Variants in MED12L observed in about 807,000 individuals in gnomAD.
MED12L encodes the protein mediator complex subunit 12L.
In MED12L, 60 loss-of-function variants were observed where a neutral mutation model predicts 281.3. The ratio of observed to expected loss-of-function variants is 0.21; its 90% CI spans 0.17 to 0.26. The LOEUF (loss-of-function observed/expected upper bound fraction) is 0.26. Ranked by LOEUF, MED12L falls within the 10% of genes least tolerant of loss-of-function variation. The probability of loss-of-function intolerance (pLI) is 1.00; values close to 1 mark genes in which losing one functional copy is unlikely to be tolerated. For synonymous variants in MED12L, 974 were observed against 987.2 expected (o/e 0.99, Z 0.25); for missense variants, 2,146 against 2,680.9 (o/e 0.80, Z 4.41).
Position 151,129,628 on chromosome 3 carries a change from C to T in MED12L, c.556+1644C>T, listed in dbSNP as rs778307008. On this transcript the variant is annotated intron_variant, in intron 5 of 44. Coordinates refer to ENST00000687756, the MANE Select transcript of MED12L (RefSeq NM_001393769.1). ...AACATGATGTTCAGGTTTCTCTTCT[C>T]CCTTCTCCTCTGTTATCCTTTTTGA... Among the ~76,000 whole-genome samples the T allele has an allele frequency of 2.6e-5, 4 of 152,020 alleles. No individual in the cohort carries two copies. The South Asian group carries it at 8.3e-4, about 32-fold the overall frequency.
intron 2 of MED12L, 36 bp downstream of exon 2, chr3:151,087,061 C>A: frequency 1.9e-6 from 3 of 1,539,244 alleles, no homozygotes; most frequent in East Asian, 2.3e-5. Context: ...CAACCGGGGC[C>A]GCGCTCTGCA....
At chr3:151,198,959 A>G in intron 16 of MED12L, 2 of 1,614,014 alleles carry the variant, frequency 1.2e-6, no homozygotes, top group Non-Finnish European at 1.7e-6. Flanking sequence ...CATTATAAGA[A>G]GGACCATTAG....
chr3:151,329,059 G>A, intron 16 of MED12L: 1 of 1,332,360 alleles, frequency 7.5e-7, no homozygotes, highest in South Asian at 1.5e-5. Context: ...AGCCCTTCAT[G>A]ATTTTCAAAT....
At chr3:151,122,704 TA>T (rs1713938366) in intron 3 of MED12L, 78 bp from the exon 4 acceptor site, 16 of 981,082 alleles carry the variant, frequency 1.6e-5, no homozygotes, top group Non-Finnish European at 2.3e-5. Context: ...ATTGAAACAA[TA>T]AAGAAAAATA....
chr3:151,356,972 AC>A (rs1404093056), intron 19 of MED12L, among the ~76,000 whole-genome samples: 1 of 152,174 alleles, frequency 6.6e-6, no homozygotes, highest in Non-Finnish European at 1.5e-5. Context: ...AGGACCTTGC[AC>A]TGCCCTGAAG....
chr3:151,173,323 T>G (rs1721659670), intron 11 of MED12L, among the ~76,000 whole-genome samples: 1 of 152,238 alleles, frequency 6.6e-6, no homozygotes, highest in Non-Finnish European at 1.5e-5. Context: ...GTAGTTCCAA[T>G]TAACAGTACA....
intron 2 of MED12L, among the ~76,000 whole-genome samples, chr3:151,114,245 G>A (rs1391193291): frequency 6.6e-6 from 1 of 152,172 alleles, no homozygotes; most frequent in Non-Finnish European, 1.5e-5. Flanking sequence ...CTCATATTCT[G>A]TGCGGATCAC....
chr3:151,169,367 C>T (rs563478298), intron 11 of MED12L, among the ~76,000 whole-genome samples: 10 of 152,154 alleles, frequency 6.6e-5, no homozygotes, highest in East Asian at 1.9e-4. Context: ...GTGATCCACC[C>T]GCCTTGGCCT....
chr3:151,412,985 T>C (rs1717130292), intron 41 of MED12L, among the ~76,000 whole-genome samples, 154 bp from the exon 42 acceptor site: 1 of 152,278 alleles, frequency 6.6e-6, no homozygotes, highest in African/African-American at 2.4e-5. Flanking sequence ...TCACATCTAT[T>C]ATTTTAACCA....
intron 16 of MED12L, chr3:151,329,134 T>C (rs1750053434): frequency 1.5e-6 from 1 of 663,972 alleles, no homozygotes; most frequent in African/African-American, 1.8e-5. Context: ...TCCAACACTT[T>C]CAATAGATGT....
At position 151,387,843 on chromosome 3, in the gene MED12L, C is replaced by T; in HGVS notation, c.5122C>T (p.Pro1708Ser). 1 of 1,613,898 alleles carries T rather than the reference C, an allele frequency of 6.2e-7. No homozygotes were observed. Among genetic ancestry groups the T allele is most frequent in the Non-Finnish European group, 8.5e-7 (1 of 1,179,846 alleles). ...LQVSTKQKVS[P>S]WDLFEGQKNP... ...GGTCTCTACGAAGCAGAAGGTGTCC[C>T]CGTGGGACTTGTTTGAGGGTCAGAA... is the stretch of plus-strand genomic sequence containing the variant. The change falls in exon 37 of 45, where the codon CCG becomes TCG. Residue 1708 changes from proline (P) to serine (S), a missense_variant. Around this residue, in one of 9 missense-constraint regions of MED12L, gnomAD observed 212 missense variants for 340.8 expected, o/e 0.62. Coordinates refer to ENST00000687756, the MANE Select transcript of MED12L (RefSeq NM_001393769.1).
chr3:151,280,818 C>A (rs1425055186), intron 16 of MED12L, among the ~76,000 whole-genome samples: 2 of 151,662 alleles, frequency 1.3e-5, no homozygotes, highest in African/African-American at 4.9e-5. Context: ...GATCTTTTCA[C>A]AGCCAAAACA....
chr3:151,312,851 C>T (rs542224791), intron 16 of MED12L, among the ~76,000 whole-genome samples: 3 of 152,158 alleles, frequency 2.0e-5, no homozygotes, highest in Non-Finnish European at 2.9e-5. Context: ...TGTAAAACAG[C>T]CCTCATAAGA....
At chr3:151,131,131 A>G (rs1329543833) in intron 5 of MED12L, among the ~76,000 whole-genome samples, 2 of 152,216 alleles carry the variant, frequency 1.3e-5, no homozygotes, top group Non-Finnish European at 2.9e-5. Context: ...ATCACCAGCT[A>G]TATCGGAGAG....
chr3:151,165,247 C>T (rs544049193), intron 9 of MED12L, among the ~76,000 whole-genome samples, 173 bp from the exon 10 acceptor site: 47 of 152,226 alleles, frequency 3.1e-4, no homozygotes, highest in Non-Finnish European at 5.1e-4. Context: ...CATTGAATTG[C>T]CCTTTGTAAA....
rs138393184 is a variant in MED12L at position 151,101,615 on chromosome 3, T to G, written c.99+14590T>G. Among the ~76,000 whole-genome samples the G allele has an allele frequency of 3.9e-3, 574 of 148,748 alleles. 4 individuals carry two copies. Among genetic ancestry groups the G allele is most frequent in the African/African-American group, 0.013 (539 of 40,406 alleles). On this transcript the variant is annotated intron_variant, in intron 2 of 44. Transcript: ENST00000687756. ...AATGGGTGGGACATGCTGTATCCTC[T>G]CATAAGAAAAAGCTGGAAGGGAGGA...
rs566412289 is a variant in MED12L, at chr3:151,155,531, T to C, written c.557-630T>C. On this transcript the variant is annotated intron_variant, in intron 5 of 44. Transcript: ENST00000687756. ...GTAGAATAATTGAAGATCCAGATGATTGTCCTGAGGGAAGCCATGCGGGTG... is the reference window on the plus strand; with the variant it reads ...GTAGAATAATTGAAGATCCAGATGACTGTCCTGAGGGAAGCCATGCGGGTG... Among the ~76,000 whole-genome samples the C allele has an allele frequency of 5.3e-5, 8 of 152,326 alleles. No homozygotes were observed. In the East Asian group the frequency reaches 1.5e-3, roughly 29 times the overall value.
At chr3:151,309,137 A>G (rs766972990) in intron 16 of MED12L, among the ~76,000 whole-genome samples, 16,369 of 133,902 alleles carry the variant, frequency 0.12, 1,143 homozygotes, top group Middle Eastern at 0.19. Context: ...ACACACACAC[A>G]CACGCACACA....
chr3:151,215,963 C>T (rs919131983), intron 16 of MED12L, among the ~76,000 whole-genome samples: 2 of 152,124 alleles, frequency 1.3e-5, no homozygotes, highest in Non-Finnish European at 2.9e-5. Context: ...TTCTCTTTAT[C>T]CTCAAGGCCT....
Sources: gnomAD v4.1 joint callset for allele counts (sites outside exome capture counted in the v4.1 genomes callset) on GRCh38, gnomAD v4.1.1 for gene constraint, gnomAD v4.1.1 regional missense constraint, MANE v1.5 for transcripts, NCBI Gene and HGNC (gene_info 2026-07-23, HGNC 2026-07-21) for gene names.